The following ADAMTSL1 variants were observed in gnomAD, a reference collection of about 807,000 sequenced individuals.
The protein encoded by ADAMTSL1 is ADAMTS like 1.
Under a neutral mutation model 201.8 loss-of-function variants are expected in ADAMTSL1, and 126 were observed. That is an observed-to-expected ratio of 0.62 (90% confidence interval 0.54 to 0.72). The LOEUF (loss-of-function observed/expected upper bound fraction) is 0.72, where lower values mean the gene tolerates loss of function less well. Ranked by LOEUF, ADAMTSL1 falls within the 30% of genes least tolerant of loss-of-function variation. ADAMTSL1 has a pLI of 0.00. For synonymous variants in ADAMTSL1, 1,121 were observed against 903.4 expected, an observed-to-expected ratio of 1.24 and a Z score of -4.32; for missense variants, 2,679 against 2,277.8, an observed-to-expected ratio of 1.18 and a Z score of -3.59.
chr9:18,826,446 C>A lies in ADAMTSL1; in HGVS notation c.4097C>A (p.Thr1366Asn), dbSNP rs1363530360. ...CTTCATGGAGAGCTGACTGAGAGCA[C>A]CCAGCTGCTGATCCTAGGTAAACAC... is the stretch of plus-strand genomic sequence containing the variant. ...ANLHGELTES[T>N]QLLILDPPQV... The change falls in exon 22 of 29, where the codon ACC (threonine) becomes AAC (asparagine). Residue 1366 changes from threonine to asparagine, a missense_variant. Physicochemically the swap from Thr to Asn is moderately conservative, Grantham distance 65. Transcript: ENST00000380548. The A allele has an allele frequency of 6.2e-7, 1 of 1,613,288 alleles. No homozygotes were observed. The highest frequency in any genetic ancestry group is 8.5e-7 in the Non-Finnish European group (1 of 1,179,696).
chr9:18,709,776 C>A (rs1272259708), intron 14 of ADAMTSL1, among the ~76,000 whole-genome samples: 1 of 152,154 alleles, frequency 6.6e-6, no homozygotes, highest in African/African-American at 2.4e-5. Flanking sequence ...GCCTGATCAG[C>A]TTTATTGTAT....
At chr9:18,462,870 T>C (rs1587284712) in intron 2 of ADAMTSL1, among the ~76,000 whole-genome samples, 1 of 151,318 alleles carries the variant, frequency 6.6e-6, no homozygotes, top group African/African-American at 2.4e-5. Context: ...ACCCAGGAGG[T>C]GGAGGTTGCA....
Position 18,533,258 on chromosome 9 carries a change from G to C in ADAMTSL1, c.203G>C (p.Gly68Ala). 6.2e-7 allele frequency: 1 copy of C among 1,606,158 alleles called. No individual in the cohort carries two copies. The highest frequency in any genetic ancestry group is 8.5e-7 in the Non-Finnish European group (1 of 1,176,310). The change falls in exon 3 of 29, where the codon GGA becomes GCA. Residue 68 changes from glycine to alanine, a missense_variant. Coordinates refer to ENST00000380548, the MANE Select transcript of ADAMTSL1 (RefSeq NM_001040272.6). ...TTTTTGCAACTTAGGAGCTGTGAAG[G>C]AAGAAATATCCGATACAGAACATGC... ...RRCLSSKSCE[G>A]RNIRYRTCSN...
At chr9:18,756,120 T>TATATATATATATAC (rs1819747080) in intron 16 of ADAMTSL1, among the ~76,000 whole-genome samples, 1 of 75,306 alleles carries the variant, frequency 1.3e-5, no homozygotes, top group Non-Finnish European at 2.7e-5. Context: ...TATATATATA[T>TATATATATATATAC]ATACAAAAAT....
At chr9:18,564,927 C>G (rs1318655216) in intron 3 of ADAMTSL1, among the ~76,000 whole-genome samples, 1 of 152,046 alleles carries the variant, frequency 6.6e-6, no homozygotes, top group African/African-American at 2.4e-5. Context: ...TTAGAAATAC[C>G]TCTAGGGAAC....
At chr9:18,556,269 C>CCCCTTTA (rs1472547011) in intron 3 of ADAMTSL1, among the ~76,000 whole-genome samples, 3 of 151,952 alleles carry the variant, frequency 2.0e-5, no homozygotes, top group Non-Finnish European at 4.4e-5. Flanking sequence ...ATCTGTCTTT[C>CCCCTTTA]CCCTTTAAAC....
At chr9:18,185,003 T>C (rs1828668926) in intron 2 of ADAMTSL1, among the ~76,000 whole-genome samples, 1 of 152,156 alleles carries the variant, frequency 6.6e-6, no homozygotes, top group African/African-American at 2.4e-5. Context: ...TCTGAAATGA[T>C]TGGCACCAGA....
chr9:18,423,531 G>A (rs993932794), intron 2 of ADAMTSL1, among the ~76,000 whole-genome samples: 2 of 152,170 alleles, frequency 1.3e-5, no homozygotes, highest in African/African-American at 4.8e-5. Context: ...AACCTTTCAT[G>A]AGAATCTTTT....
chr9:18,300,223 A>G (rs1425043493), intron 2 of ADAMTSL1, among the ~76,000 whole-genome samples: 1 of 152,236 alleles, frequency 6.6e-6, no homozygotes, highest in Non-Finnish European at 1.5e-5. Flanking sequence ...AATGTCCATC[A>G]ATGATAGACT....
intron 2 of ADAMTSL1, among the ~76,000 whole-genome samples, chr9:18,360,424 C>T (rs1300711298): frequency 3.3e-5 from 5 of 152,122 alleles, no homozygotes; most frequent in African/African-American, 1.2e-4. Context: ...GTGTAAGATT[C>T]TGGGCAAGAT....
intron 2 of ADAMTSL1, among the ~76,000 whole-genome samples, chr9:18,307,707 G>A (rs1833962910): frequency 6.6e-6 from 1 of 152,070 alleles, no homozygotes. Context: ...AGTTCTTAGA[G>A]ACAGACAAAG....
At chr9:18,005,342 A>T (rs1332507214) in intron 1 of ADAMTSL1, among the ~76,000 whole-genome samples, 2 of 152,060 alleles carry the variant, frequency 1.3e-5, no homozygotes. Flanking sequence ...AAGCTGAAGG[A>T]TGAGACATGG....
At chr9:18,037,767 G>A (rs1315699776) in intron 1 of ADAMTSL1, among the ~76,000 whole-genome samples, 1 of 152,134 alleles carries the variant, frequency 6.6e-6, no homozygotes, top group Non-Finnish European at 1.5e-5. Context: ...TTACGTGAGT[G>A]AAGTAAAATT....
At chr9:18,388,596 T>A (rs951881143) in intron 2 of ADAMTSL1, among the ~76,000 whole-genome samples, 4 of 151,850 alleles carry the variant, frequency 2.6e-5, no homozygotes, top group Admixed American at 6.6e-5. Flanking sequence ...TTAACAGAAT[T>A]TTCCTTTGCT....
At chr9:18,879,737 G>T (rs1828408490) in intron 23 of ADAMTSL1, among the ~76,000 whole-genome samples, 1 of 152,178 alleles carries the variant, frequency 6.6e-6, no homozygotes, top group South Asian at 2.1e-4. Flanking sequence ...GATGGTTGCT[G>T]AATATTGGAA....
intron 4 of ADAMTSL1, among the ~76,000 whole-genome samples, chr9:18,575,476 A>G (rs1444982998): frequency 6.6e-6 from 1 of 152,238 alleles, no homozygotes; most frequent in African/African-American, 2.4e-5. Context: ...TTCAATCAAC[A>G]TTCTAAAAAG....
At chr9:18,760,272 C>G (rs1158875899) in intron 16 of ADAMTSL1, among the ~76,000 whole-genome samples, 2 of 152,162 alleles carry the variant, frequency 1.3e-5, no homozygotes, top group Non-Finnish European at 2.9e-5. Context: ...CACTCTCTTC[C>G]TTTCTAATCC....
intron 2 of ADAMTSL1, among the ~76,000 whole-genome samples, chr9:18,457,166 C>A (rs550763936): frequency 2.0e-5 from 3 of 152,110 alleles, no homozygotes; most frequent in African/African-American, 7.2e-5. Flanking sequence ...AGTGCTGAAG[C>A]CTTCCCAGTT....
chr9:18,519,036 T>C (rs1051741430), intron 2 of ADAMTSL1, among the ~76,000 whole-genome samples: 3 of 152,174 alleles, frequency 2.0e-5, no homozygotes, highest in Non-Finnish European at 2.9e-5. Flanking sequence ...TTACCTACAA[T>C]GTCCCTCCCT....
Sources: allele counts gnomAD v4.1 joint callset (sites outside exome capture counted in the v4.1 genomes callset), GRCh38; gene constraint gnomAD v4.1.1; transcripts MANE v1.5; gene names NCBI Gene and HGNC (gene_info 2026-07-23, HGNC 2026-07-21).